HMGB3: variants seen among roughly 807,000 people sequenced by gnomAD.
HMGB3 encodes the protein high mobility group box 3, also known as high mobility group protein B3.
HMGB3 carries 1 observed loss-of-function variant against 12.9 expected under a neutral mutation model. That is an observed-to-expected ratio of 0.08 (90% CI 0.03 to 0.37). The LOEUF (loss-of-function observed/expected upper bound fraction) is 0.37. HMGB3 is among the 10% of genes least tolerant of loss of function. HMGB3 has a pLI of 0.99. For synonymous variants in HMGB3, 61 were observed against 53.9 expected (o/e 1.13, Z -0.57); for missense variants, 74 against 153.3 (o/e 0.48, Z 2.73).
intron 3 of HMGB3, 117 bp from the exon 4 acceptor site, chrX:150,987,011 C>T: frequency 1.9e-6 from 1 of 523,659 alleles, no homozygotes; most frequent in South Asian, 3.4e-5. Flanking sequence ...TCATAGATTA[C>T]TTCACTTTAG....
rs782215936 is a variant in HMGB3 at position 150,983,398 on chromosome X, C to CCCGCCGCCGCCGCCGCCGCCG, written c.-6+57_-6+77dup. The CCCGCCGCCGCCGCCGCCGCCG allele has an allele frequency of 2.5e-5, 15 of 602,278 alleles. No individual in the cohort carries two copies. In the African/African-American group the frequency reaches 3.9e-4, roughly 16 times the overall value. 49.6% of individuals were successfully genotyped at this position (602,278 alleles called of 1,213,427 possible). On this transcript the variant is annotated intron_variant, in intron 1 of 4. Transcript: ENST00000325307. Reference sequence around the variant, plus strand: ...ACAGGTACGTCTCGCACCGCCCGCTCCCGCCGCCGCCGCCGCCGCCGCCGC... The same window carrying CCCGCCGCCGCCGCCGCCGCCG: ...ACAGGTACGTCTCGCACCGCCCGCTCCCGCCGCCGCCGCCGCCGCCGCCGCCGCCGCCGCCGCCGCCGCCGC...
rs1354709216 is a variant in HMGB3, at chrX:150,984,308, G to A, written c.-6+932G>A. ...GGGGAGGTCCGGCCCGGGCCCCCGA[G>A]CCCCCGGGCGGCCCGGGCGGGGCGG... On this transcript the variant is annotated intron_variant, in intron 1 of 4. Transcript: ENST00000325307. Among the ~76,000 whole-genome samples, 480 of 87,768 alleles carry A rather than the reference G, an allele frequency of 5.5e-3. 3 individuals carry two copies. The highest frequency in any genetic ancestry group is 9.3e-3 in the Non-Finnish European group (406 of 43,507). The allele number at this position is 87,768 out of a possible 115,157, so 76.2% of individuals were successfully genotyped here.
upstream of HMGB3, chrX:150,983,145 C>A: frequency 3.3e-6 from 1 of 298,809 alleles, no homozygotes; most frequent in Non-Finnish European, 4.5e-6. Flanking sequence ...CCGTAGCCGG[C>A]GCCGGCGGGT....
chrX:150,981,982 G>C (rs1215897625), upstream of HMGB3, among the ~76,000 whole-genome samples: 2 of 111,907 alleles, frequency 1.8e-5, no homozygotes, highest in Non-Finnish European at 3.8e-5. Context: ...GCTTATTTCT[G>C]AATATAGGAC....
intron 3 of HMGB3, 23 bp from the exon 4 acceptor site, chrX:150,987,105 G>A (rs1189517288): frequency 8.7e-7 from 1 of 1,155,036 alleles, no homozygotes; most frequent in African/African-American, 1.8e-5. Context: ...GGTTTCTCAT[G>A]TAATGTATGT....
In HMGB3 at chrX:150,987,961, G is replaced by A. The variant is rs1201180438; in HGVS notation, c.*47G>A. The A allele has an allele frequency of 7.0e-6, 8 of 1,148,840 alleles. No homozygotes were observed. The highest frequency in any genetic ancestry group is 8.0e-6 in the Non-Finnish European group (7 of 869,606). The allele number at this position is 1,148,840 out of a possible 1,213,427, so 94.7% of individuals were successfully genotyped here. On this transcript the variant is annotated 3_prime_UTR_variant, in exon 5 of 5. Transcript: ENST00000325307. ...TTGTGAATACTTAGAGTAGGGGAGCGCCGTAATTGACACATCTCTTATTTG... is the reference window on the plus strand; with the variant it reads ...TTGTGAATACTTAGAGTAGGGGAGCACCGTAATTGACACATCTCTTATTTG...
At chrX:150,985,129 CT>C (rs1197474290) in intron 1 of HMGB3, among the ~76,000 whole-genome samples, 1 of 111,579 alleles carries the variant, frequency 9.0e-6, no homozygotes, top group Non-Finnish European at 1.9e-5. Context: ...CTGCTTTGGT[CT>C]TGTGTTCAGC....
chrX:150,984,003 G>A (rs1345932181), intron 1 of HMGB3, among the ~76,000 whole-genome samples: 1 of 102,738 alleles, frequency 9.7e-6, no homozygotes, highest in South Asian at 4.1e-4. Context: ...GGTGGCCCGG[G>A]GGGGCGCGGG....
intron 1 of HMGB3, 49 bp downstream of exon 1, chrX:150,983,425 GC>G (rs2048009310): frequency 1.9e-4 from 124 of 664,141 alleles, no homozygotes; most frequent in Non-Finnish European, 2.1e-4. Context: ...CGCCGCCGCC[GC>G]CGCCGCCGCC....
At chrX:150,986,612 A>T (rs1461954334) in intron 3 of HMGB3, among the ~76,000 whole-genome samples, 1 of 111,013 alleles carries the variant, frequency 9.0e-6, no homozygotes, top group African/African-American at 3.3e-5. Flanking sequence ...ATATGCGCGT[A>T]TATATACGCA....
intron 1 of HMGB3, among the ~76,000 whole-genome samples, chrX:150,984,044 C>CCGG (rs1423641008): frequency 2.0e-5 from 2 of 101,351 alleles, no homozygotes; most frequent in Non-Finnish European, 4.1e-5. Flanking sequence ...TCCCGCCCGC[C>CCGG]CGGCGCCGCC....
intron 1 of HMGB3, 75 bp downstream of exon 1, chrX:150,983,451 C>T (rs1226046593): frequency 1.6e-6 from 1 of 627,681 alleles, no homozygotes; most frequent in African/African-American, 2.7e-5. Context: ...CCGCCGCCGC[C>T]GCAGCGCCCG....
chrX:150,982,517 G>A (rs2047998722), upstream of HMGB3, among the ~76,000 whole-genome samples: 1 of 112,392 alleles, frequency 8.9e-6, no homozygotes, highest in Admixed American at 9.4e-5. Flanking sequence ...GAGGGAATGA[G>A]GGCCTTGAAC....
At chrX:150,985,264 T>C (rs2048040591) in intron 1 of HMGB3, among the ~76,000 whole-genome samples, 1 of 112,225 alleles carries the variant, frequency 8.9e-6, no homozygotes, top group Non-Finnish European at 1.9e-5. Context: ...CTTCCCACTT[T>C]GTGATTGTAG....
upstream of HMGB3, chrX:150,983,190 C>G (rs1181188888): frequency 3.6e-6 from 2 of 551,236 alleles, no homozygotes; most frequent in Non-Finnish European, 4.4e-6. Flanking sequence ...AGCAGCCGCG[C>G]CCAATGGGCG....
In HMGB3 at chrX:150,987,316, G is replaced by A. The variant is rs1557425263; in HGVS notation, c.465+14G>A. ...AAGTATGAGAAGGTAAGGTGGGGCT[G>A]GAAGCCTGGACTGGTGAACAGGCAG... On this transcript the variant is annotated intron_variant, in intron 4 of 4. Coordinates refer to ENST00000325307, the MANE Select transcript of HMGB3 (RefSeq NM_005342.4). 8.4e-7 allele frequency: 1 copy of A among 1,188,998 alleles called. No homozygotes were observed. Among genetic ancestry groups the A allele is most frequent in the African/African-American group, 1.7e-5 (1 of 57,532 alleles).
chrX:150,985,975 G>T, intron 2 of HMGB3, 76 bp from the exon 3 acceptor site: 1 of 1,092,711 alleles, frequency 9.2e-7, no homozygotes, highest in Non-Finnish European at 1.2e-6. Flanking sequence ...TCTAGCAACT[G>T]CTAGTTTAAT....
At chrX:150,986,345 G>C (rs2048051834) in intron 3 of HMGB3, among the ~76,000 whole-genome samples, 155 bp downstream of exon 3, 1 of 109,447 alleles carries the variant, frequency 9.1e-6, no homozygotes, top group South Asian at 3.9e-4. Flanking sequence ...TCTGTACTTG[G>C]GCTTTACGAT....
chrX:150,981,463 C>T (rs2047991799), upstream of HMGB3, among the ~76,000 whole-genome samples: 1 of 85,360 alleles, frequency 1.2e-5, no homozygotes, highest in Non-Finnish European at 2.3e-5. Context: ...TCAAAAGCAG[C>T]ACTATCTCTG....
Sources: allele counts gnomAD v4.1 joint callset (sites outside exome capture counted in the v4.1 genomes callset), GRCh38; gene constraint gnomAD v4.1.1; transcripts MANE v1.5; gene names NCBI Gene and HGNC (gene_info 2026-07-23, HGNC 2026-07-21).